The following KATNIP variants were observed in gnomAD, a reference collection of about 807,000 sequenced individuals.
KATNIP encodes katanin-interacting protein.
KATNIP carries 126 observed loss-of-function variants against 174.0 expected under a neutral mutation model. That is an observed-to-expected ratio of 0.72 (90% CI 0.63 to 0.84). The LOEUF (loss-of-function observed/expected upper bound fraction) is 0.84, where lower values mean the gene tolerates loss of function less well. KATNIP is among the 40% of genes least tolerant of loss of function. The probability of loss-of-function intolerance (pLI) is 0.00; values close to 1 mark genes in which losing one functional copy is unlikely to be tolerated. For synonymous variants in KATNIP, 810 were observed against 835.7 expected, an observed-to-expected ratio of 0.97 and a Z score of 0.53; for missense variants, 1,958 against 2,109.7, an observed-to-expected ratio of 0.93 and a Z score of 1.41.
chr16:27,660,617 G>A (rs2077443874), intron 6 of KATNIP, among the ~76,000 whole-genome samples: 1 of 148,436 alleles, frequency 6.7e-6, no homozygotes, highest in Non-Finnish European at 1.5e-5. Flanking sequence ...AGTTTGTGGA[G>A]CTCTGGCTCA....
intron 1 of KATNIP, among the ~76,000 whole-genome samples, chr16:27,571,627 C>G (rs1356828520): frequency 6.6e-6 from 1 of 152,252 alleles, no homozygotes; most frequent in Non-Finnish European, 1.5e-5. Flanking sequence ...CTCCTGCTGC[C>G]TGCTCTTGCC....
At chr16:27,587,280 C>G (rs74757424) in intron 2 of KATNIP, among the ~76,000 whole-genome samples, 1 of 152,146 alleles carries the variant, frequency 6.6e-6, no homozygotes, top group Admixed American at 6.5e-5. Flanking sequence ...TTCATTGAGT[C>G]CCTCTGTCAG....
chr16:27,720,120 T>G (rs543634632), intron 13 of KATNIP, among the ~76,000 whole-genome samples: 1 of 152,232 alleles, frequency 6.6e-6, no homozygotes, highest in East Asian at 1.9e-4. Context: ...TTGTTTGTTT[T>G]TTCCTGGAGA....
chr16:27,713,705 C>G (rs1426712636), intron 13 of KATNIP, among the ~76,000 whole-genome samples: 8 of 141,152 alleles, frequency 5.7e-5, no homozygotes, highest in African/African-American at 2.1e-4. Context: ...TATACACATA[C>G]ATATTATATA....
At position 27,585,668 on chromosome 16, in the gene KATNIP, A is replaced by G. The variant is rs1468739160; in HGVS notation, c.63+11712A>G. The stretch of plus-strand genomic sequence containing the variant: ...TTATGTTTAGTAAAATAAGCCAGGC[A>G]CAGAAAGACAAACTTCACATGTTCT... On this transcript the variant is annotated intron_variant, in intron 2 of 27. Coordinates refer to ENST00000261588, the MANE Select transcript of KATNIP (RefSeq NM_015202.5). Among the ~76,000 whole-genome samples, 4 of 152,236 alleles carry G rather than the reference A, an allele frequency of 2.6e-5. No individual in the cohort carries two copies. In the East Asian group the frequency reaches 5.8e-4, roughly 22 times the overall value.
Position 27,771,521 on chromosome 16 carries a change from G to C in KATNIP, c.4134-67G>C, listed in dbSNP as rs114864736. ...TGTTTCTTCAAAGGCTGTTACCTAGGGGGTAACTGGCTGGTGATTCTGGGC... is the reference window on the plus strand; with the variant it reads ...TGTTTCTTCAAAGGCTGTTACCTAGCGGGTAACTGGCTGGTGATTCTGGGC... On this transcript the variant is annotated intron_variant, in intron 21 of 27. Transcript: ENST00000261588. The C allele has an allele frequency of 2.0e-3, 2,903 of 1,472,550 alleles. 50 individuals are homozygous for C. The African/African-American group carries it at 0.037, about 19-fold the overall frequency. The allele number at this position is 1,472,550 out of a possible 1,614,324, so 91.2% of individuals were successfully genotyped here. A position where few individuals can be genotyped will look rare whatever the true frequency, so the allele number is the denominator to read the frequency against.
At chr16:27,557,815 T>C (rs2089692070) in intron 1 of KATNIP, among the ~76,000 whole-genome samples, 1 of 152,228 alleles carries the variant, frequency 6.6e-6, no homozygotes, top group Non-Finnish European at 1.5e-5. Flanking sequence ...TTTTGTTTTT[T>C]AAATTTTTGA....
At chr16:27,692,073 G>C (rs1331455306) in intron 8 of KATNIP, among the ~76,000 whole-genome samples, 1 of 152,200 alleles carries the variant, frequency 6.6e-6, no homozygotes, top group African/African-American at 2.4e-5. Flanking sequence ...TCACCACATG[G>C]TTCTTTTTAG....
chr16:27,678,306 T>C (rs2078198373), intron 7 of KATNIP, among the ~76,000 whole-genome samples: 1 of 152,232 alleles, frequency 6.6e-6, no homozygotes, highest in Non-Finnish European at 1.5e-5. Context: ...AGGGACTATT[T>C]ATTGACTTGA....
intron 14 of KATNIP, 41 bp downstream of exon 14, chr16:27,721,736 A>G (rs1597294337): frequency 6.2e-7 from 1 of 1,602,552 alleles, no homozygotes; most frequent in East Asian, 2.2e-5. Context: ...CACTGGGTTG[A>G]TGGAAGCACT....
At chr16:27,675,830 T>G (rs1057107213) in intron 6 of KATNIP, among the ~76,000 whole-genome samples, 2 of 152,178 alleles carry the variant, frequency 1.3e-5, no homozygotes, top group African/African-American at 4.8e-5. Context: ...TGCAAATCTT[T>G]CCTGGAAAAT....
At chr16:27,602,860 G>A (rs554620321) in intron 2 of KATNIP, among the ~76,000 whole-genome samples, 8 of 152,140 alleles carry the variant, frequency 5.3e-5, no homozygotes, top group South Asian at 4.1e-4. Flanking sequence ...CACCACACCC[G>A]GCTAATTTTT....
intron 1 of KATNIP, among the ~76,000 whole-genome samples, chr16:27,553,583 G>A (rs768982428): frequency 2.0e-5 from 3 of 152,182 alleles, no homozygotes; most frequent in Non-Finnish European, 2.9e-5. Context: ...GGGAGGCCAA[G>A]ACAAGAGGAT....
chr16:27,565,232 G>A (rs1456137990), intron 1 of KATNIP, among the ~76,000 whole-genome samples: 3 of 151,254 alleles, frequency 2.0e-5, no homozygotes, highest in Non-Finnish European at 4.4e-5. Flanking sequence ...TTGGGAGGCC[G>A]AGGCGGGTGG....
intron 2 of KATNIP, among the ~76,000 whole-genome samples, chr16:27,577,646 C>T (rs938830875): frequency 6.6e-5 from 10 of 152,106 alleles, no homozygotes; most frequent in African/African-American, 1.9e-4. Context: ...GAGCCGAGAT[C>T]GGGCCACTGC....
intron 17 of KATNIP, among the ~76,000 whole-genome samples, chr16:27,753,612 G>T (rs916052083): frequency 2.6e-5 from 4 of 152,178 alleles, no homozygotes; most frequent in Non-Finnish European, 5.9e-5. Context: ...AATCACTTGG[G>T]TGGATCTTTA....
At chr16:27,553,783 C>A (rs1596688704) in intron 1 of KATNIP, among the ~76,000 whole-genome samples, 1 of 152,130 alleles carries the variant, frequency 6.6e-6, no homozygotes, top group East Asian at 1.9e-4. Context: ...CCAGCCTGGG[C>A]AACTTAGTGA....
In KATNIP at chr16:27,657,317, A is replaced by ATT. The variant is rs541124106; in HGVS notation, c.540+8583_540+8584dup. ...ATACGTGAAGGGTATTTGGGTGTTC[A>ATT]TTATACTAGCATGATACGTTTTCTG... On this transcript the variant is annotated intron_variant, in intron 6 of 27. Coordinates refer to ENST00000261588, the MANE Select transcript of KATNIP (RefSeq NM_015202.5). Among the ~76,000 whole-genome samples, 6 of 152,316 alleles carry ATT rather than the reference A, an allele frequency of 3.9e-5. No homozygotes were observed. The East Asian group carries it at 1.2e-3, about 29-fold the overall frequency.
intron 1 of KATNIP, among the ~76,000 whole-genome samples, chr16:27,557,563 G>T (rs183547442): frequency 6.6e-6 from 1 of 151,986 alleles, no homozygotes; most frequent in Non-Finnish European, 1.5e-5. Context: ...AAGTAGCTGG[G>T]ACTACAGGTG....
Sources: allele counts gnomAD v4.1 joint callset (sites outside exome capture counted in the v4.1 genomes callset), GRCh38; gene constraint gnomAD v4.1.1; transcripts MANE v1.5; gene names NCBI Gene and HGNC (gene_info 2026-07-23, HGNC 2026-07-21).